The following SCAMP1 variants were observed in gnomAD, a reference collection of about 807,000 sequenced individuals.
SCAMP1 encodes secretory carrier membrane protein 1, also known as secretory carrier-associated membrane protein 1.
SCAMP1 carries 15 observed loss-of-function variants against 41.8 expected under a neutral mutation model. That is an observed-to-expected ratio of 0.36 (90% CI 0.24 to 0.55). The LOEUF (loss-of-function observed/expected upper bound fraction) is 0.55. Ranked by LOEUF, SCAMP1 falls within the 20% of genes least tolerant of loss-of-function variation. SCAMP1 has a pLI of 0.86. For synonymous variants in SCAMP1, 135 were observed against 136.8 expected (o/e 0.99, Z 0.09); for missense variants, 341 against 412.6 (o/e 0.83, Z 1.50).
intron 3 of SCAMP1, among the ~76,000 whole-genome samples, chr5:78,416,068 C>T (rs1159955248): frequency 6.6e-6 from 1 of 152,172 alleles, no homozygotes; most frequent in African/African-American, 2.4e-5. Context: ...TTCTTAATCA[C>T]ATCTTTTGAC....
chr5:78,458,996 T>C (rs1461248278), intron 7 of SCAMP1, among the ~76,000 whole-genome samples: 2 of 152,258 alleles, frequency 1.3e-5, no homozygotes, highest in African/African-American at 4.8e-5. Flanking sequence ...CTTTTGAATT[T>C]AGACTATGCC....
chr5:78,463,790 CTA>C (rs1457957610), intron 8 of SCAMP1, among the ~76,000 whole-genome samples: 3 of 151,404 alleles, frequency 2.0e-5, no homozygotes, highest in African/African-American at 4.9e-5. Flanking sequence ...AGTCACAACT[CTA>C]TGAATATACT....
intron 6 of SCAMP1, among the ~76,000 whole-genome samples, chr5:78,442,673 A>G (rs949744570): frequency 2.0e-5 from 3 of 152,152 alleles, no homozygotes; most frequent in Non-Finnish European, 2.9e-5. Flanking sequence ...TTTTTGTTCA[A>G]AGGTAATTTG....
At chr5:78,458,750 C>T (rs1014792465) in intron 7 of SCAMP1, among the ~76,000 whole-genome samples, 13 of 152,004 alleles carry the variant, frequency 8.6e-5, no homozygotes, top group Admixed American at 2.0e-4. Flanking sequence ...CGTGGTGGCA[C>T]GCACCTGTAA....
At chr5:78,394,830 T>G (rs949594815) in intron 2 of SCAMP1, among the ~76,000 whole-genome samples, 3 of 152,220 alleles carry the variant, frequency 2.0e-5, no homozygotes, top group South Asian at 4.1e-4. Flanking sequence ...AAATACCCGA[T>G]TTGTCTTTGG....
intron 5 of SCAMP1, 61 bp downstream of exon 5, chr5:78,418,964 A>G: frequency 1.4e-6 from 2 of 1,412,220 alleles, no homozygotes; most frequent in Non-Finnish European, 1.9e-6. Context: ...CAAAATCCGC[A>G]TTTTTATTTC....
chr5:78,368,066 T>C (rs1271688357), intron 1 of SCAMP1, among the ~76,000 whole-genome samples: 1 of 152,246 alleles, frequency 6.6e-6, no homozygotes, highest in South Asian at 2.1e-4. Context: ...AATTTTGAAC[T>C]GTTTCTTTAG....
At chr5:78,423,008 GCGCGCGCGCACACACACACACA>G (rs1752375548) in intron 6 of SCAMP1, among the ~76,000 whole-genome samples, 1 of 36,688 alleles carries the variant, frequency 2.7e-5, no homozygotes, top group Non-Finnish European at 5.9e-5. Context: ...TGTAACACAC[GCGCGCGCGCACACACACACACA>G]CACACACACA....
chr5:78,440,870 C>T (rs1225263580), intron 6 of SCAMP1, among the ~76,000 whole-genome samples: 2 of 152,218 alleles, frequency 1.3e-5, no homozygotes, highest in African/African-American at 4.8e-5. Context: ...GTTCGAGCTT[C>T]CCAGCAGCTT....
At chr5:78,427,302 C>G (rs1752492040) in intron 6 of SCAMP1, among the ~76,000 whole-genome samples, 1 of 152,086 alleles carries the variant, frequency 6.6e-6, no homozygotes, top group African/African-American at 2.4e-5. Flanking sequence ...TAATGGAGAA[C>G]TTATTCCTTA....
chr5:78,386,721 T>G (rs1751350832), intron 1 of SCAMP1, among the ~76,000 whole-genome samples: 2 of 152,198 alleles, frequency 1.3e-5, no homozygotes, highest in Admixed American at 1.3e-4. Flanking sequence ...TTATAAAGCT[T>G]AGTTTTGCTG....
chr5:78,477,464 T>C lies in SCAMP1; in HGVS notation c.*1796T>C, dbSNP rs953998121. The C allele has an allele frequency of 4.6e-5, 7 of 152,188 alleles. No individual in the cohort carries two copies. The highest frequency in any genetic ancestry group is 1.7e-4 in the African/African-American group (7 of 41,462). The allele number at this position is 152,188 out of a possible 1,614,324, so 9.4% of individuals were successfully genotyped here. ...AAATCTATTTTATCAGTGTGCTTTA[T>C]TGAGTGTGGATTTTGCATACATTCA... On this transcript the variant is annotated 3_prime_UTR_variant, in exon 9 of 9. Transcript: ENST00000621999.
chr5:78,421,225 G>A (rs1752332071), intron 5 of SCAMP1, among the ~76,000 whole-genome samples: 1 of 152,200 alleles, frequency 6.6e-6, no homozygotes, highest in Admixed American at 6.5e-5. Context: ...GTGTGGGGGA[G>A]TGAGGAGGGG....
chr5:78,389,391 A>G (rs1321014295), intron 2 of SCAMP1, among the ~76,000 whole-genome samples: 3 of 152,160 alleles, frequency 2.0e-5, no homozygotes, highest in South Asian at 2.1e-4. Flanking sequence ...TACCCAGACT[A>G]GGAAAGCATA....
At chr5:78,469,187 T>C (rs1460035310) in intron 8 of SCAMP1, among the ~76,000 whole-genome samples, 1 of 152,192 alleles carries the variant, frequency 6.6e-6, no homozygotes, top group Non-Finnish European at 1.5e-5. Context: ...CTTTGTAACT[T>C]TATTTATGAC....
At chr5:78,447,771 A>C (rs1352615872) in intron 6 of SCAMP1, among the ~76,000 whole-genome samples, 1 of 150,770 alleles carries the variant, frequency 6.6e-6, no homozygotes, top group Non-Finnish European at 1.5e-5. Flanking sequence ...AAAAGGCAAA[A>C]CTCCTTTTCA....
chr5:78,430,114 A>C (rs1376949908), intron 6 of SCAMP1, among the ~76,000 whole-genome samples: 24 of 51,948 alleles, frequency 4.6e-4, no homozygotes, highest in Admixed American at 7.3e-4. Flanking sequence ...GTATTTATTT[A>C]TAAATACAGT....
rs1314238681 is a variant in SCAMP1 at position 78,408,897 on chromosome 5, GC to G, written c.136-6621del. Among the ~76,000 whole-genome samples, 528 of 152,328 alleles carry G rather than the reference GC, an allele frequency of 3.5e-3. 6 individuals are homozygous for G. Among genetic ancestry groups the G allele is most frequent in the African/African-American group, 0.012 (511 of 41,578 alleles). On this transcript the variant is annotated intron_variant, in intron 2 of 8. Coordinates refer to ENST00000621999, the MANE Select transcript of SCAMP1 (RefSeq NM_004866.6). ...TTACAGGTGTGAGCCACCATGCCTG[GC>G]CATTGGTAGGTTTATGACTGGGAAT...
At chr5:78,409,444 CACACGCAT>C (rs1049813995) in intron 2 of SCAMP1, among the ~76,000 whole-genome samples, 3 of 151,884 alleles carry the variant, frequency 2.0e-5, no homozygotes, top group Non-Finnish European at 4.4e-5. Context: ...CACACACACA[CACACGCAT>C]ACACGCTCAT....
Sources: allele counts gnomAD v4.1 joint callset (sites outside exome capture counted in the v4.1 genomes callset), GRCh38; gene constraint gnomAD v4.1.1; transcripts MANE v1.5; gene names NCBI Gene and HGNC (gene_info 2026-07-23, HGNC 2026-07-21).